ARL6IP4: variants seen among roughly 807,000 people sequenced by gnomAD.
ARL6IP4 encodes ARF like GTPase 6 interacting protein 4.
In ARL6IP4, 24 loss-of-function variants were observed where a neutral mutation model predicts 28.1. That is an observed-to-expected ratio of 0.86 (90% CI 0.62 to 1.20). ARL6IP4 has a LOEUF of 1.20. Among genes scored for constraint, ARL6IP4 ranks in the 50% most tolerant of loss-of-function variants. The probability of loss-of-function intolerance (pLI) is 0.00; values close to 1 mark genes in which losing one functional copy is unlikely to be tolerated. For synonymous variants in ARL6IP4, 162 were observed against 122.3 expected, an observed-to-expected ratio of 1.32 and a Z score of -2.14; for missense variants, 343 against 302.4, an observed-to-expected ratio of 1.13 and a Z score of -1.00.
At position 122,982,630 on chromosome 12, in the gene ARL6IP4, G is replaced by A. The variant is rs145972189; in HGVS notation, c.668G>A (p.Arg223Gln). The part of the protein sequence containing the change: ...RHREINKQAT[R>Q]GDCLAFQMRA... ...TGCTTTCTTCCCCAGCAAGCCACCC[G>A]AGGGGACTGCCTGGCCTTCCAGATG... is the stretch of plus-strand genomic sequence containing the variant. Residue 223 changes from arginine to glutamine, a missense_variant, in exon 6 of 6, where the codon CGA becomes CAA. By Grantham distance (43) the Arg-to-Gln change is conservative (BLOSUM62 1). Transcript: ENST00000315580. 1,416 of 1,614,076 alleles carry A rather than the reference G, an allele frequency of 8.8e-4. No homozygotes were observed. Among genetic ancestry groups the A allele is most frequent in the Non-Finnish European group, 1.1e-3 (1,324 of 1,180,026 alleles).
intron 4 of ARL6IP4, 180 bp downstream of exon 4, chr12:122,982,254 C>G: frequency 1.2e-6 from 1 of 810,102 alleles, no homozygotes; most frequent in African/African-American, 1.7e-5. Context: ...GGAGGAGGCT[C>G]TTGAAAGGGC....
chr12:122,981,564 C>T lies in ARL6IP4; in HGVS notation c.161-7C>T, dbSNP rs55742290. 1,024,756 of 1,535,292 alleles carry T rather than the reference C, an allele frequency of 0.67. 354,056 individuals are homozygous for T. Among genetic ancestry groups the T allele is most frequent in the Non-Finnish European group, 0.71 (809,783 of 1,141,550 alleles). On this transcript the variant is annotated splice_polypyrimidine_tract_variant and splice_region_variant and intron_variant, in intron 2 of 5. Transcript: ENST00000315580. ...AAGGTTTACCTCTTCCCCTCCTGGC[C>T]TTCCAGCCTCACCTTCTCCCTGCAT...
In ARL6IP4 at chr12:122,981,763, G is replaced by A. The variant is rs1219991461; in HGVS notation, c.353G>A (p.Arg118Lys). 2 of 1,564,122 alleles carry A rather than the reference G, an allele frequency of 1.3e-6. No individual in the cohort carries two copies. The highest frequency in any genetic ancestry group is 1.4e-5 in the African/African-American group (1 of 73,582). The change falls in exon 3 of 6, where the codon AGG (arginine) becomes AAG (lysine). Residue 118 changes from arginine to lysine, a missense_variant. Arg to Lys is a conservative substitution (Grantham distance 26). Transcript: ENST00000315580. ...AAGAGGAGGAAGAAGAAGAAGAAGA[G>A]GAAGAAGCTGAAGAAGAAGGGCAAG... ...KDKRRKKKKK[R>K]KKLKKKGKEK...
intron 4 of ARL6IP4, 87 bp from the exon 5 acceptor site, chr12:122,982,382 C>A: frequency 1.5e-6 from 2 of 1,322,914 alleles, no homozygotes; most frequent in Non-Finnish European, 2.1e-6. Context: ...AGCCCTGGGA[C>A]CCCTCTGCCG....
chr12:122,982,270 T>C, intron 4 of ARL6IP4, 196 bp downstream of exon 4: 1 of 798,354 alleles, frequency 1.3e-6, no homozygotes, highest in Non-Finnish European at 2.0e-6. Flanking sequence ...AGGGCTGTTG[T>C]TGGCCGGGCT....
chr12:122,980,934 C>T, intron 1 of ARL6IP4, 189 bp downstream of exon 1: 1 of 1,379,334 alleles, frequency 7.2e-7, no homozygotes, highest in Non-Finnish European at 9.3e-7. Flanking sequence ...CCTTAACAGG[C>T]ACCGCTGCGG....
chr12:122,982,499 G>A lies in ARL6IP4; in HGVS notation c.618G>A (p.Glu206=). 1.9e-6 allele frequency: 3 copies of A among 1,614,098 alleles called. No individual in the cohort carries two copies. Among genetic ancestry groups the A allele is most frequent in the Non-Finnish European group, 2.5e-6 (3 of 1,179,986 alleles). ...RLIKGDGEVL[E]EIVTKERHRE... ...TTAAGGGAGATGGCGAGGTCCTAGA[G>A]GAAATCGTAACCAAAGAACGACACA... Residue 206 remains glutamate, a synonymous_variant, in exon 5 of 6, where the codon GAG becomes GAA. Coordinates refer to ENST00000315580, the MANE Select transcript of ARL6IP4 (RefSeq NM_018694.4).
rs375991340 is a variant in ARL6IP4 at position 122,981,583 on chromosome 12, C to T, written c.173C>T (p.Pro58Leu). ...CCTGGCCTTCCAGCCTCACCTTCTCCCTGCATCACAGAGAGAAGCAAGCAG... is the reference window on the plus strand; with the variant it reads ...CCTGGCCTTCCAGCCTCACCTTCTCTCTGCATCACAGAGAGAAGCAAGCAG... ...TAPGAEASPSPCITERSKQKA... is the reference protein window; with the variant it reads ...TAPGAEASPSLCITERSKQKA... The change falls in exon 3 of 6, where the codon CCC becomes CTC. Residue 58 changes from proline (P) to leucine (L), a missense_variant. By Grantham distance (98) the Pro-to-Leu change is moderately conservative. Transcript: ENST00000315580. 23 of 1,553,478 alleles carry T rather than the reference C, an allele frequency of 1.5e-5. No homozygotes were observed. Among genetic ancestry groups the T allele is most frequent in the Non-Finnish European group, 1.9e-5 (22 of 1,151,224 alleles).
At chr12:122,981,526 A>G in intron 2 of ARL6IP4, 45 bp from the exon 3 acceptor site, 1 of 1,483,470 alleles carries the variant, frequency 6.7e-7, no homozygotes, top group Non-Finnish European at 9.0e-7. Flanking sequence ...GCCCCAGGCC[A>G]GAGCAGGGGA....
In ARL6IP4 at chr12:122,981,616, G is replaced by A. The variant is rs554208963; in HGVS notation, c.206G>A (p.Arg69Gln). Residue 69 changes from arginine to glutamine, a missense_variant, in exon 3 of 6, where the codon CGG becomes CAG. Coordinates refer to ENST00000315580, the MANE Select transcript of ARL6IP4 (RefSeq NM_018694.4). ...CITERSKQKA[R>Q]RRTRSSSSSS... ...ACAGAGAGAAGCAAGCAGAAGGCCC[G>A]GAGGAGAACAAGATCCAGCTCCTCC... is the stretch of plus-strand genomic sequence containing the variant. The A allele has an allele frequency of 1.5e-5, 24 of 1,562,048 alleles. No individual in the cohort carries two copies. The Admixed American group carries it at 2.0e-4, about 13-fold the overall frequency.
intron 2 of ARL6IP4, 89 bp downstream of exon 2, chr12:122,981,388 C>G (rs774466627): frequency 5.5e-6 from 8 of 1,463,302 alleles, no homozygotes; most frequent in Non-Finnish European, 6.4e-6. Context: ...AGTCATGCCT[C>G]TGTGCAGCCG....
In ARL6IP4 at chr12:122,982,406, C is replaced by T. The variant is rs992659085; in HGVS notation, c.588-63C>T. Reference sequence around the variant, plus strand: ...ACCCCTCTGCCGGCTGCTTGTGGTTCTGCTCCTCTGGCATTAGGGGACCTG... The same window carrying T: ...ACCCCTCTGCCGGCTGCTTGTGGTTTTGCTCCTCTGGCATTAGGGGACCTG... On this transcript the variant is annotated intron_variant, in intron 4 of 5. Transcript: ENST00000315580. 3.2e-5 allele frequency: 47 copies of T among 1,484,542 alleles called. No homozygotes were observed. In the Middle Eastern group the frequency reaches 8.6e-4, roughly 27 times the overall value. The allele number at this position is 1,484,542 out of a possible 1,614,324, so 92.0% of individuals were successfully genotyped here.
At position 122,982,455 on chromosome 12, in the gene ARL6IP4, C is replaced by T. The variant is rs2037730551; in HGVS notation, c.588-14C>T. 6 of 1,608,558 alleles carry T rather than the reference C, an allele frequency of 3.7e-6. No homozygotes were observed. Among genetic ancestry groups the T allele is most frequent in the East Asian group, 4.5e-5 (2 of 44,712 alleles). ...TGCCTATTCCTTGCTGAACGGAGAC[C>T]CTCCCACCCCCAGGCTTATTAAGGG... On this transcript the variant is annotated splice_polypyrimidine_tract_variant and intron_variant, in intron 4 of 5. Transcript: ENST00000315580.
chr12:122,982,588 G>C (rs188450970), intron 5 of ARL6IP4, 32 bp from the exon 6 acceptor site: 166 of 1,614,126 alleles, frequency 1.0e-4, no homozygotes, highest in Non-Finnish European at 1.3e-4. Flanking sequence ...TGTTTGTGAT[G>C]TACCCCTCCT....
Position 122,981,948 on chromosome 12 carries a change from C to G in ARL6IP4, c.470-9C>G, listed in dbSNP as rs765013287. 2.5e-6 allele frequency: 4 copies of G among 1,613,696 alleles called. No individual in the cohort carries two copies. The highest frequency in any genetic ancestry group is 3.4e-6 in the Non-Finnish European group (4 of 1,180,000). On this transcript the variant is annotated splice_polypyrimidine_tract_variant and intron_variant, in intron 3 of 5. Transcript: ENST00000315580. ...AAGGCCTGGCCACCACCTCCGTCTTCCCTTCCAGTCCTGACGGATGAGCAG... is the reference window on the plus strand; with the variant it reads ...AAGGCCTGGCCACCACCTCCGTCTTGCCTTCCAGTCCTGACGGATGAGCAG...
chr12:122,980,780 G>A, intron 1 of ARL6IP4, 35 bp downstream of exon 1: 1 of 1,304,152 alleles, frequency 7.7e-7, no homozygotes. Context: ...CCCCCTTGAG[G>A]CGGCGAGGCC....
intron 2 of ARL6IP4, 34 bp from the exon 3 acceptor site, chr12:122,981,537 C>G (rs372878943): frequency 1.3e-6 from 2 of 1,505,340 alleles, no homozygotes; most frequent in African/African-American, 1.4e-5. Context: ...GAGCAGGGGA[C>G]GAAGGTTTAC....
upstream of ARL6IP4, chr12:122,980,301 C>A: frequency 1.6e-6 from 2 of 1,280,710 alleles, no homozygotes; most frequent in Non-Finnish European, 2.0e-6. Context: ...TCTTTCTGGC[C>A]CCTACGGACA....
chr12:122,982,560 G>C, intron 5 of ARL6IP4, 22 bp downstream of exon 5: 1 of 1,614,146 alleles, frequency 6.2e-7, no homozygotes, highest in African/African-American at 1.3e-5. Context: ...CCCTCTGCCT[G>C]CCATCCGCCC....
Sources: allele counts gnomAD v4.1 joint callset, GRCh38; gene constraint gnomAD v4.1.1; transcripts MANE v1.5; gene names NCBI Gene and HGNC (gene_info 2026-07-23, HGNC 2026-07-21).